ZFHX3: variants seen among roughly 807,000 people sequenced by gnomAD.
The protein encoded by ZFHX3 is zinc finger homeobox 3, also known as zinc finger homeobox protein 3.
Under a neutral mutation model 279.1 loss-of-function variants are expected in ZFHX3, and 42 were observed. The observed-to-expected ratio is 0.15, with a 90% CI of 0.12 to 0.19. The LOEUF (loss-of-function observed/expected upper bound fraction) is 0.19, where lower values mean the gene tolerates loss of function less well. ZFHX3 is among the 10% of genes least tolerant of loss of function. ZFHX3 has a pLI of 1.00. For synonymous variants in ZFHX3, 2,293 were observed against 1,957.8 expected (o/e 1.17, Z -4.52); for missense variants, 4,981 against 4,754.0 (o/e 1.05, Z -1.40).
intron 4 of ZFHX3, among the ~76,000 whole-genome samples, chr16:72,852,946 C>CA (rs1443215806): frequency 6.6e-6 from 1 of 152,220 alleles, no homozygotes; most frequent in African/African-American, 2.4e-5. Context: ...ACAAGTGAGT[C>CA]ACAAGCCTGC....
At chr16:72,811,871 A>T (rs767085053) in intron 6 of ZFHX3, 34 bp downstream of exon 6, 47 of 1,593,864 alleles carry the variant, frequency 2.9e-5, no homozygotes, top group Non-Finnish European at 3.8e-5. Context: ...AAAACACCTC[A>T]CCTCCCCACC....
At chr16:73,337,950 C>T (rs191952933) in intron 3 of ZFHX3, among the ~76,000 whole-genome samples, 69 of 147,356 alleles carry the variant, frequency 4.7e-4, no homozygotes, top group African/African-American at 1.7e-3. Flanking sequence ...GTTTTGCTTC[C>T]GTTCTTACAC....
At chr16:73,670,188 A>G (rs1487711854) in intron 2 of ZFHX3, among the ~76,000 whole-genome samples, 3 of 152,180 alleles carry the variant, frequency 2.0e-5, no homozygotes, top group Admixed American at 2.0e-4. Flanking sequence ...CACTTCCAGG[A>G]CCAAAGACTA....
intron 5 of ZFHX3, among the ~76,000 whole-genome samples, chr16:73,168,329 A>G (rs1936716127): frequency 6.7e-6 from 1 of 149,666 alleles, no homozygotes; most frequent in Non-Finnish European, 1.5e-5. Flanking sequence ...TGGTGTGATC[A>G]TAGTTCACTG....
intron 8 of ZFHX3, chr16:73,081,318 T>A (rs1247333047): frequency 2.0e-5 from 3 of 151,644 alleles, no homozygotes; most frequent in African/African-American, 7.3e-5. Flanking sequence ...AATGGCACAA[T>A]CTCTGCTCTC....
chr16:73,298,874 G>A (rs2014989091), intron 4 of ZFHX3, among the ~76,000 whole-genome samples: 1 of 152,214 alleles, frequency 6.6e-6, no homozygotes, highest in African/African-American at 2.4e-5. Context: ...ACTTTGCAGA[G>A]CTGTGGATAC....
intron 5 of ZFHX3, among the ~76,000 whole-genome samples, chr16:73,144,732 G>A (rs942715790): frequency 5.9e-5 from 9 of 151,850 alleles, no homozygotes; most frequent in South Asian, 4.2e-4. Context: ...TCTCCTACCC[G>A]CCCCTCCCCG....
At chr16:72,976,311 G>A (rs199953197) in intron 1 of ZFHX3, among the ~76,000 whole-genome samples, 1 of 152,136 alleles carries the variant, frequency 6.6e-6, no homozygotes, top group East Asian at 1.9e-4. Context: ...TTAAGCCATG[G>A]TAAGATTCGG....
At chr16:73,677,853 C>T (rs2052970301) in intron 2 of ZFHX3, among the ~76,000 whole-genome samples, 1 of 151,902 alleles carries the variant, frequency 6.6e-6, no homozygotes, top group Non-Finnish European at 1.5e-5. Flanking sequence ...ATAAAATACT[C>T]TTGTGACTTA....
At chr16:73,682,924 G>GAAAGAAAGAAAGAAAGAAAGAAAGAAAA (rs766109523) in intron 1 of ZFHX3, among the ~76,000 whole-genome samples, 2 of 43,474 alleles carry the variant, frequency 4.6e-5, no homozygotes, top group African/African-American at 1.5e-4. Context: ...AAGAGAGAAA[G>GAAAGAAAGAAAGAAAGAAAGAAAGAAAA]AGAAAGAAAG....
chr16:73,843,265 A>G (rs1018855517), intron 1 of ZFHX3, among the ~76,000 whole-genome samples: 1 of 152,352 alleles, frequency 6.6e-6, no homozygotes, highest in Admixed American at 6.5e-5. Context: ...CAATCACGCC[A>G]ATAGAAAGAC....
chr16:72,805,635 G>T (rs1294496571), intron 7 of ZFHX3, among the ~76,000 whole-genome samples: 1 of 152,152 alleles, frequency 6.6e-6, no homozygotes, highest in African/African-American at 2.4e-5. Context: ...CTAGCTAGTT[G>T]GTATATCTAA....
chr16:73,751,366 T>C (rs1490268570), intron 1 of ZFHX3, among the ~76,000 whole-genome samples: 1 of 152,190 alleles, frequency 6.6e-6, no homozygotes, highest in Non-Finnish European at 1.5e-5. Context: ...AAAAACACAG[T>C]ATACCAGAAA....
intron 3 of ZFHX3, among the ~76,000 whole-genome samples, chr16:73,379,986 T>C (rs893869641): frequency 6.6e-6 from 1 of 152,142 alleles, no homozygotes; most frequent in African/African-American, 2.4e-5. Flanking sequence ...AGAATATAGC[T>C]ACATTAATTG....
intron 1 of ZFHX3, among the ~76,000 whole-genome samples, chr16:73,003,020 CCA>C (rs533186064): frequency 1.6e-4 from 24 of 152,296 alleles, no homozygotes; most frequent in Non-Finnish European, 3.2e-4. Context: ...GTCCTATAGT[CCA>C]CAGAGTTCCT....
At chr16:72,808,850 G>A (rs551437575) in intron 7 of ZFHX3, among the ~76,000 whole-genome samples, 9 of 152,288 alleles carry the variant, frequency 5.9e-5, no homozygotes, top group East Asian at 3.9e-4. Flanking sequence ...AATACTTGAC[G>A]GAGGGTCAGT....
intron 1 of ZFHX3, among the ~76,000 whole-genome samples, chr16:73,794,991 C>T: frequency 6.6e-6 from 1 of 152,164 alleles, no homozygotes; most frequent in East Asian, 1.9e-4. Context: ...ACACCCAGGA[C>T]TGGTTGGCTG....
In ZFHX3 at chr16:73,039,363, G is replaced by T. The variant is rs146817573; in HGVS notation, c.-50+8389C>A. On this transcript the variant is annotated intron_variant, in intron 1 of 9. Coordinates refer to ENST00000268489, the MANE Select transcript of ZFHX3 (RefSeq NM_006885.4). ...TACGCAGAGGCTGCTCAACTCCCAG[G>T]CTGCAGTGAAGGTGTCTAAATGGGG... Among the ~76,000 whole-genome samples, 154 of 152,294 alleles carry T rather than the reference G, an allele frequency of 1.0e-3. 1 individual carries two copies. In the East Asian group the frequency reaches 0.013, roughly 13 times the overall value.
intron 3 of ZFHX3, among the ~76,000 whole-genome samples, chr16:73,412,008 G>A (rs902841257): frequency 1.3e-5 from 2 of 152,124 alleles, no homozygotes; most frequent in Non-Finnish European, 2.9e-5. Flanking sequence ...AGACAGATAG[G>A]CAGTCTTCCA....
Sources: gnomAD v4.1 joint callset for allele counts (sites outside exome capture counted in the v4.1 genomes callset) on GRCh38, gnomAD v4.1.1 for gene constraint, MANE v1.5 for transcripts, NCBI Gene and HGNC (gene_info 2026-07-23, HGNC 2026-07-21) for gene names.